Variants in LTN1 observed in about 807,000 individuals in gnomAD.
LTN1 encodes the protein listerin E3 ubiquitin protein ligase 1.
LTN1 carries 88 observed loss-of-function variants against 201.2 expected under a neutral mutation model. The ratio of observed to expected loss-of-function variants is 0.44; its 90% CI spans 0.37 to 0.52. LTN1 has a LOEUF of 0.52. Ranked by LOEUF, LTN1 falls within the 20% of genes least tolerant of loss-of-function variation. The probability of loss-of-function intolerance (pLI) is 0.00; values close to 1 mark genes in which losing one functional copy is unlikely to be tolerated. For synonymous variants in LTN1, 645 were observed against 713.5 expected (o/e 0.90, Z 1.53); for missense variants, 1,752 against 2,038.7 (o/e 0.86, Z 2.71).
chr21:28,945,723 T>TA, intron 21 of LTN1, 84 bp downstream of exon 21: 2 of 1,261,444 alleles, frequency 1.6e-6, no homozygotes, highest in South Asian at 3.3e-5. Flanking sequence ...AATCATCACT[T>TA]AAAGAATGAG....
Position 28,929,861 on chromosome 21 carries a change from G to T in LTN1, c.*587C>A, listed in dbSNP as rs2084197245. 2 of 151,990 alleles carry T rather than the reference G, an allele frequency of 1.3e-5. No individual in the cohort carries two copies. The highest frequency in any genetic ancestry group is 4.8e-5 in the African/African-American group (2 of 41,398). The allele number at this position is 151,990 out of a possible 1,614,324, so 9.4% of individuals were successfully genotyped here. A position where few individuals can be genotyped will look rare whatever the true frequency, so the allele number is the denominator to read the frequency against. On this transcript the variant is annotated 3_prime_UTR_variant, in exon 30 of 30. Transcript: ENST00000361371. ...CCTTGATAAATGGAGGCACCTTAAAGTTCAGTTTAAACTCTTTTATATAGG... is the reference window on the plus strand; with the variant it reads ...CCTTGATAAATGGAGGCACCTTAAATTTCAGTTTAAACTCTTTTATATAGG...
At chr21:28,985,142 G>A (rs1371895287) in intron 3 of LTN1, among the ~76,000 whole-genome samples, 1 of 151,968 alleles carries the variant, frequency 6.6e-6, no homozygotes, top group Non-Finnish European at 1.5e-5. Context: ...AATGAGATAG[G>A]ATTGTATTCA....
At chr21:28,964,847 C>G (rs2084508695) in intron 11 of LTN1, 1 of 1,414,834 alleles carries the variant, frequency 7.1e-7, no homozygotes, top group Non-Finnish European at 9.3e-7. Flanking sequence ...TATCAAGGAG[C>G]TTTCTGATAA....
intron 3 of LTN1, among the ~76,000 whole-genome samples, chr21:28,985,529 A>G (rs1034910859): frequency 1.3e-5 from 2 of 152,122 alleles, no homozygotes; most frequent in African/African-American, 4.8e-5. Flanking sequence ...TTCTGCAGCA[A>G]ATATACAGGG....
At chr21:28,944,025 A>G (rs1873875173) in intron 22 of LTN1, 121 bp from the exon 23 acceptor site, 2 of 680,036 alleles carry the variant, frequency 2.9e-6, no homozygotes, top group Admixed American at 2.4e-5. Context: ...TAAACAATAA[A>G]GCAGTCTTAA....
At chr21:28,960,415 G>T in intron 12 of LTN1, 102 bp downstream of exon 12, 7 of 864,440 alleles carry the variant, frequency 8.1e-6, no homozygotes, top group African/African-American at 1.7e-5. Context: ...AGTAAGTCCT[G>T]TTATTTTTAA....
At chr21:28,939,840 T>A (rs1031777670) in intron 25 of LTN1, among the ~76,000 whole-genome samples, 1 of 152,178 alleles carries the variant, frequency 6.6e-6, no homozygotes, top group African/African-American at 2.4e-5. Flanking sequence ...TTGAAATATA[T>A]CATCAGCAAA....
chr21:28,941,073 T>C (rs2084293617), intron 25 of LTN1, 147 bp downstream of exon 25: 2 of 618,500 alleles, frequency 3.2e-6, no homozygotes, highest in East Asian at 3.0e-5. Context: ...TGAGACCCTG[T>C]CTCAAATAAA....
chr21:28,982,469 T>A (rs941222489), intron 4 of LTN1, 101 bp from the exon 5 acceptor site: 10 of 845,386 alleles, frequency 1.2e-5, no homozygotes, highest in Non-Finnish European at 1.6e-5. Flanking sequence ...AAAATCCCCA[T>A]AAACATCATC....
At position 28,971,445 on chromosome 21, in the gene LTN1, C is replaced by A; in HGVS notation, c.811-1G>T. ...CTAACTCAAAATAAGCTGAGCGAAT[C>A]TAAAAGAATGCAAAGCTGAATTAAA... is the stretch of plus-strand genomic sequence containing the variant. On this transcript the variant is annotated splice_acceptor_variant, in intron 6 of 29. Transcript: ENST00000361371. LOFTEE classifies it high-confidence loss of function. 6.2e-7 allele frequency: 1 copy of A among 1,611,218 alleles called. No individual in the cohort carries two copies. Among genetic ancestry groups the A allele is most frequent in the Non-Finnish European group, 8.5e-7 (1 of 1,178,732 alleles).
intron 6 of LTN1, among the ~76,000 whole-genome samples, chr21:28,980,064 C>A (rs1263215813): frequency 6.6e-6 from 1 of 152,092 alleles, no homozygotes; most frequent in African/African-American, 2.4e-5. Context: ...TGCACATTCC[C>A]AGCTGAGGTT....
chr21:28,983,386 A>AT (rs1346977897), intron 4 of LTN1, among the ~76,000 whole-genome samples: 1 of 152,254 alleles, frequency 6.6e-6, no homozygotes, highest in Non-Finnish European at 1.5e-5. Context: ...TGTAACGTTT[A>AT]TAACTTGGCA....
At chr21:28,963,014 A>C (rs1206455429) in intron 11 of LTN1, among the ~76,000 whole-genome samples, 1 of 152,240 alleles carries the variant, frequency 6.6e-6, no homozygotes, top group African/African-American at 2.4e-5. Context: ...AGGAAGCTGC[A>C]CAAGAAAAGA....
rs2084523209 is a variant in LTN1 at position 28,966,416 on chromosome 21, C to T, written c.2075G>A (p.Cys692Tyr). 1 of 1,612,746 alleles carries T rather than the reference C, an allele frequency of 6.2e-7. No individual in the cohort carries two copies. Among genetic ancestry groups the T allele is most frequent in the Non-Finnish European group, 8.5e-7 (1 of 1,179,688 alleles). Reference sequence around the variant, plus strand: ...TTTTTTTCTTTCCATATCATTGTCACAGCACCGGAGAGCACTGTACAAAAT... The same window carrying T: ...TTTTTTTCTTTCCATATCATTGTCATAGCACCGGAGAGCACTGTACAAAAT... ...VDILYSALRC[C>Y]DNDMERKKVL... Residue 692 changes from cysteine to tyrosine, a missense_variant, in exon 10 of 30, where the codon TGT (cysteine) becomes TAT (tyrosine). Cys to Tyr is a radical substitution (Grantham distance 194). This residue lies in a region of LTN1 where 1,211 missense variants were observed against 1,312.8 expected (regional missense o/e 0.92). Coordinates refer to ENST00000361371, the MANE Select transcript of LTN1 (RefSeq NM_015565.3).
Position 28,963,614 on chromosome 21 carries a change from C to T in LTN1, c.2163+2251G>A, listed in dbSNP as rs1465464387. ...TTAATGTTGTTTTCATGCCTGCTAA[C>T]ACAACATCCATTCTGCAGCCCATGA... On this transcript the variant is annotated intron_variant, in intron 11 of 29. Coordinates refer to ENST00000361371, the MANE Select transcript of LTN1 (RefSeq NM_015565.3). Among the ~76,000 whole-genome samples, 4 of 152,200 alleles carry T rather than the reference C, an allele frequency of 2.6e-5. No individual in the cohort carries two copies. In the East Asian group the frequency reaches 7.7e-4, roughly 29 times the overall value.
chr21:28,986,469 A>C lies in LTN1; in HGVS notation c.247-232T>G. On this transcript the variant is annotated intron_variant, in intron 2 of 29. Coordinates refer to ENST00000361371, the MANE Select transcript of LTN1 (RefSeq NM_015565.3). The surrounding 1 kb of genome is among the most constrained non-coding windows in gnomAD (Gnocchi z 4.1). Reference sequence around the variant, plus strand: ...ACAAAAAAACCTCATTTAAAGTTACAAGGTCAAAGTTACATTCCCTAATGG... The same window carrying C: ...ACAAAAAAACCTCATTTAAAGTTACCAGGTCAAAGTTACATTCCCTAATGG... 1 of 673,692 alleles carries C rather than the reference A, an allele frequency of 1.5e-6. No homozygotes were observed. Among genetic ancestry groups the C allele is most frequent in the Non-Finnish European group, 2.7e-6 (1 of 376,394 alleles). 41.7% of individuals were successfully genotyped at this position (673,692 alleles called of 1,614,324 possible).
chr21:28,935,858 A>T (rs1459853219), intron 26 of LTN1, among the ~76,000 whole-genome samples: 2 of 151,326 alleles, frequency 1.3e-5, no homozygotes, highest in Non-Finnish European at 2.9e-5. Context: ...AAAAAAAAAA[A>T]GTGAAAATCC....
At chr21:28,959,841 T>C in intron 12 of LTN1, 144 bp from the exon 13 acceptor site, 5 of 680,758 alleles carry the variant, frequency 7.3e-6, no homozygotes, top group Non-Finnish European at 1.2e-5. Context: ...ATCAACACAT[T>C]CTCTCACACA....
rs10608923 is a variant in LTN1 at position 28,931,066 on chromosome 21, G to GGTGTGTGTGTGTGTGT, written c.5238+73_5238+88dup. On this transcript the variant is annotated intron_variant, in intron 29 of 29. Coordinates refer to ENST00000361371, the MANE Select transcript of LTN1 (RefSeq NM_015565.3). Reference sequence around the variant, plus strand: ...CTCTTCCGAAGTTAGACATTGTGTAGGTGTGTGTGTGTGTGTGTGTGTGTG... The same window carrying GGTGTGTGTGTGTGTGT: ...CTCTTCCGAAGTTAGACATTGTGTAGGTGTGTGTGTGTGTGTGTGTGTGTGTGTGTGTGTGTGTGTG... The GGTGTGTGTGTGTGTGT allele has an allele frequency of 1.5e-4, 87 of 578,646 alleles. No homozygotes were observed. In the South Asian group the frequency reaches 2.4e-3, roughly 16 times the overall value. The allele number at this position is 578,646 out of a possible 1,614,324, so 35.8% of individuals were successfully genotyped here.
Sources: allele counts gnomAD v4.1 joint callset (sites outside exome capture counted in the v4.1 genomes callset), GRCh38; gene constraint gnomAD v4.1.1; regional missense constraint gnomAD v4.1.1; non-coding constraint Gnocchi (gnomAD v3.1); transcripts MANE v1.5; gene names NCBI Gene and HGNC (gene_info 2026-07-23, HGNC 2026-07-21).